HTR2C: variants seen among roughly 807,000 people sequenced by gnomAD.
HTR2C encodes 5-hydroxytryptamine (serotonin) receptor 2C, G protein-coupled.
In HTR2C, 5 loss-of-function variants were observed where a neutral mutation model predicts 21.0. The ratio of observed to expected loss-of-function variants is 0.24; its 90% confidence interval spans 0.12 to 0.50. The LOEUF (loss-of-function observed/expected upper bound fraction) is 0.50. Ranked by LOEUF, HTR2C falls within the 20% of genes least tolerant of loss-of-function variation. The pLI, the probability that HTR2C is intolerant of heterozygous loss-of-function variation, is 0.98. For missense variants in HTR2C, 271 were observed against 371.2 expected, an observed-to-expected ratio of 0.73 and a Z score of 2.22; for synonymous variants, 150 against 145.3, an observed-to-expected ratio of 1.03 and a Z score of -0.23.
Position 114,819,163 on chromosome X carries a change from A to G in HTR2C, c.350-28840A>G, listed in dbSNP as rs961152618. The stretch of plus-strand genomic sequence containing the variant: ...CATAAATAAATGCTACATGGGTAAA[A>G]TACTTCAAATTTATTTTGGAATAAC... On this transcript the variant is annotated intron_variant, in intron 4 of 5. Coordinates refer to ENST00000276198, the MANE Select transcript of HTR2C (RefSeq NM_000868.4). Among the ~76,000 whole-genome samples the G allele has an allele frequency of 2.1e-4, 23 of 112,043 alleles. 1 individual carries two copies. The highest frequency in any genetic ancestry group is 6.8e-4 in the African/African-American group (21 of 30,850).
intron 5 of HTR2C, among the ~76,000 whole-genome samples, chrX:114,869,411 C>A (rs1025969975): frequency 3.6e-5 from 4 of 111,708 alleles, no homozygotes; most frequent in Non-Finnish European, 7.5e-5. Flanking sequence ...TTTGAGGAAT[C>A]GCCTATGTGT....
At chrX:114,731,263 C>A (rs200395500) in intron 3 of HTR2C, 31 bp from the exon 4 acceptor site, 20 of 1,051,707 alleles carry the variant, frequency 1.9e-5, no homozygotes, top group Non-Finnish European at 2.6e-5. Flanking sequence ...ATAATATGTA[C>A]CTGATTGTTT....
intron 2 of HTR2C, among the ~76,000 whole-genome samples, chrX:114,630,046 A>G (rs1293726553): frequency 8.9e-6 from 1 of 111,772 alleles, no homozygotes; most frequent in African/African-American, 3.3e-5. Context: ...GAGAAAAAAA[A>G]AAGAGGTACA....
intron 2 of HTR2C, among the ~76,000 whole-genome samples, chrX:114,659,942 TAAG>T (rs782649489): frequency 1.2e-4 from 13 of 111,556 alleles, no homozygotes; most frequent in South Asian, 7.4e-4. Flanking sequence ...TATTTTAAAA[TAAG>T]AAGTAAATAA....
intron 4 of HTR2C, among the ~76,000 whole-genome samples, chrX:114,843,761 T>C (rs2070853021): frequency 9.0e-6 from 1 of 111,583 alleles, no homozygotes. Context: ...AAAGTATCTT[T>C]AACAAGATAA....
Position 114,612,272 on chromosome X carries a change from T to C in HTR2C, c.-146-1543T>C, listed in dbSNP as rs1038670421. Reference sequence around the variant, plus strand: ...CATTTCCTATGTATTTCTCATAACTTTGATGATCTTTACATCACTCAATTT... The same window carrying C: ...CATTTCCTATGTATTTCTCATAACTCTGATGATCTTTACATCACTCAATTT... On this transcript the variant is annotated intron_variant, in intron 1 of 5. Transcript: ENST00000276198. Among the ~76,000 whole-genome samples the C allele has an allele frequency of 2.7e-5, 3 of 111,992 alleles. No homozygotes were observed. In the Admixed American group the frequency reaches 2.9e-4, roughly 11 times the overall value.
chrX:114,639,754 T>C (rs1177495443), intron 2 of HTR2C, among the ~76,000 whole-genome samples: 2 of 112,311 alleles, frequency 1.8e-5, no homozygotes, highest in African/African-American at 6.5e-5. Context: ...TGATAAAATA[T>C]ATACTCCATT....
chrX:114,787,132 A>G (rs1203538205), intron 4 of HTR2C, among the ~76,000 whole-genome samples: 2 of 111,830 alleles, frequency 1.8e-5, no homozygotes, highest in Non-Finnish European at 3.8e-5. Flanking sequence ...AAAGACCCAG[A>G]CGAATCTTTT....
intron 4 of HTR2C, among the ~76,000 whole-genome samples, chrX:114,836,917 A>G (rs2070791890): frequency 8.9e-6 from 1 of 111,899 alleles, no homozygotes; most frequent in Non-Finnish European, 1.9e-5. Flanking sequence ...TTAAGTCCTG[A>G]ACATTTTTAC....
At chrX:114,645,258 A>G (rs1930319049) in intron 2 of HTR2C, among the ~76,000 whole-genome samples, 1 of 111,299 alleles carries the variant, frequency 9.0e-6, no homozygotes, top group African/African-American at 3.3e-5. Context: ...AAGTTGTGAC[A>G]GGAATGTAAA....
rs782773723 is a variant in HTR2C, at chrX:114,747,455, A to C, written c.349+15848A>C. On this transcript the variant is annotated intron_variant, in intron 4 of 5. Coordinates refer to ENST00000276198, the MANE Select transcript of HTR2C (RefSeq NM_000868.4). ...AGAACAGAACTGTTTTGGTTTGAAGATGACATAATTGTCTACACAGAAAAT... is the reference window on the plus strand; with the variant it reads ...AGAACAGAACTGTTTTGGTTTGAAGCTGACATAATTGTCTACACAGAAAAT... Among the ~76,000 whole-genome samples, 5 of 112,299 alleles carry C rather than the reference A, an allele frequency of 4.5e-5. No homozygotes were observed. The East Asian group carries it at 1.1e-3, about 25-fold the overall frequency.
At chrX:114,825,248 C>T in intron 4 of HTR2C, among the ~76,000 whole-genome samples, 1 of 111,455 alleles carries the variant, frequency 9.0e-6, no homozygotes, top group Non-Finnish European at 1.9e-5. Flanking sequence ...CTAAAATAAA[C>T]CATTAACGTT....
intron 4 of HTR2C, among the ~76,000 whole-genome samples, chrX:114,778,374 A>G (rs148959959): frequency 0.019 from 2,078 of 111,819 alleles, 51 homozygotes; most frequent in African/African-American, 0.063. Flanking sequence ...TGATATTTTA[A>G]TTATTAACAA....
In HTR2C at chrX:114,834,218, C is replaced by T. The variant is rs139417974; in HGVS notation, c.350-13785C>T. Among the ~76,000 whole-genome samples, 131 of 110,282 alleles carry T rather than the reference C, an allele frequency of 1.2e-3. 1 individual carries two copies. In the East Asian group the frequency reaches 0.022, roughly 18 times the overall value. ...GAGTTCTGTAGATGTCTATTAGGTC[C>T]GCTTGATGCAAGGCTGAGTTCAATT... On this transcript the variant is annotated intron_variant, in intron 4 of 5. Coordinates refer to ENST00000276198, the MANE Select transcript of HTR2C (RefSeq NM_000868.4).
chrX:114,887,406 T>C (rs2071227957), intron 5 of HTR2C, among the ~76,000 whole-genome samples: 2 of 111,836 alleles, frequency 1.8e-5, no homozygotes. Context: ...ATACAATTGC[T>C]TTTAAAATCA....
chrX:114,594,139 A>G (rs1259695922), intron 1 of HTR2C, among the ~76,000 whole-genome samples: 4 of 112,005 alleles, frequency 3.6e-5, no homozygotes, highest in Non-Finnish European at 5.6e-5. Flanking sequence ...CTGTGCAGCT[A>G]CAAACTCTAC....
intron 2 of HTR2C, among the ~76,000 whole-genome samples, chrX:114,633,932 G>GTGTA (rs1556404801): frequency 1.1e-5 from 1 of 89,430 alleles, no homozygotes; most frequent in African/African-American, 4.2e-5. Flanking sequence ...ATATGCATGT[G>GTGTA]TATATATATA....
In HTR2C at chrX:114,832,339, T is replaced by G. The variant is rs1366117740; in HGVS notation, c.350-15664T>G. On this transcript the variant is annotated intron_variant, in intron 4 of 5. Coordinates refer to ENST00000276198, the MANE Select transcript of HTR2C (RefSeq NM_000868.4). ...ATTCTTCCTACCCATGAGCATGGAA[T>G]GTTCTTCCATTTGTTTGTATCCTCT... is the stretch of plus-strand genomic sequence containing the variant. 2.5e-4 allele frequency among the ~76,000 whole-genome samples: 5 copies of G among 20,172 alleles called. 2 individuals carry two copies. Among genetic ancestry groups the G allele is most frequent in the Non-Finnish European group, 4.8e-4 (5 of 10,344 alleles). The allele number at this position is 20,172 out of a possible 115,157, so 17.5% of individuals were successfully genotyped here. A position where few individuals can be genotyped will look rare whatever the true frequency, so the allele number is the denominator to read the frequency against.
At chrX:114,774,989 G>T in intron 4 of HTR2C, 1 of 495,669 alleles carries the variant, frequency 2.0e-6, no homozygotes, top group Non-Finnish European at 3.7e-6. Context: ...GTCTGCTGAT[G>T]TTCAAATTCT....
Sources: gnomAD v4.1 joint callset for allele counts (sites outside exome capture counted in the v4.1 genomes callset) on GRCh38, gnomAD v4.1.1 for gene constraint, MANE v1.5 for transcripts, NCBI Gene and HGNC (gene_info 2026-07-23, HGNC 2026-07-21) for gene names.